Variants in KDM6A observed in about 807,000 individuals in gnomAD.
The protein encoded by KDM6A is lysine-specific demethylase 6A.
Under a neutral mutation model 117.6 loss-of-function variants are expected in KDM6A, and 11 were observed. That is an observed-to-expected ratio of 0.09 (90% CI 0.06 to 0.15). KDM6A has a LOEUF of 0.15. Ranked by LOEUF, KDM6A falls within the 10% of genes least tolerant of loss-of-function variation. The pLI, the probability that KDM6A is intolerant of heterozygous loss-of-function variation, is 1.00. For synonymous variants in KDM6A, 384 were observed against 396.1 expected (o/e 0.97, Z 0.36); for missense variants, 799 against 1,077.3 (o/e 0.74, Z 3.62).
chrX:45,005,970 C>G (rs2041434672), intron 4 of KDM6A, among the ~76,000 whole-genome samples: 1 of 53,795 alleles, frequency 1.9e-5, no homozygotes, highest in Non-Finnish European at 3.1e-5. Flanking sequence ...CACCCCCCCA[C>G]CCCCCCCACC....
chrX:44,886,198 C>T (rs1163867184), intron 2 of KDM6A, among the ~76,000 whole-genome samples: 1 of 108,419 alleles, frequency 9.2e-6, no homozygotes, highest in African/African-American at 3.4e-5. Context: ...GCTGAGATTA[C>T]AGGAATGCGC....
At chrX:44,896,786 C>T (rs1457637987) in intron 2 of KDM6A, among the ~76,000 whole-genome samples, 1 of 109,996 alleles carries the variant, frequency 9.1e-6, no homozygotes, top group African/African-American at 3.3e-5. Flanking sequence ...TCTTTAAGTA[C>T]TTGACAAGTG....
intron 3 of KDM6A, among the ~76,000 whole-genome samples, chrX:44,963,681 C>T (rs980803602): frequency 9.0e-5 from 10 of 110,560 alleles, no homozygotes; most frequent in African/African-American, 2.3e-4. Context: ...CCATCAAAGT[C>T]ATCTATGGGG....
At chrX:45,040,470 G>T (rs868106828) in intron 8 of KDM6A, among the ~76,000 whole-genome samples, 16 of 77,686 alleles carry the variant, frequency 2.1e-4, no homozygotes, top group African/African-American at 8.6e-4. Context: ...CCTCCCTCCC[G>T]GATGGGGCGG....
Position 45,069,986 on chromosome X carries a change from T to C in KDM6A, c.2487T>C (p.Asn829=). 1.7e-6 allele frequency: 2 copies of C among 1,211,657 alleles called. No homozygotes were observed. The highest frequency in any genetic ancestry group is 2.2e-6 in the Non-Finnish European group (2 of 895,467). ...CACCAGGTTTACTAAGTTCAGACAA[T>C]CCTCAGCTCTCTGCCTTGTTGATGG... ...SKSPGLLSSD[N]PQLSALLMGK... The change falls in exon 18 of 30, where the codon AAT becomes AAC. Residue 829 remains asparagine, a synonymous_variant. Transcript: ENST00000611820.
intron 2 of KDM6A, among the ~76,000 whole-genome samples, chrX:44,884,750 T>A (rs1247869946): frequency 8.9e-6 from 1 of 111,768 alleles, no homozygotes; most frequent in Non-Finnish European, 1.9e-5. Context: ...ACATCCTTGC[T>A]ACTTTGACTT....
At chrX:45,035,230 CAA>C (rs1380361106) in intron 7 of KDM6A, among the ~76,000 whole-genome samples, 3 of 111,749 alleles carry the variant, frequency 2.7e-5, no homozygotes, top group Non-Finnish European at 3.8e-5. Context: ...CACTAATAAA[CAA>C]GATTGATTTT....
In KDM6A at chrX:45,078,383, A is replaced by G. The variant is rs1200506512; in HGVS notation, c.2989-17A>G. 1.7e-6 allele frequency: 2 copies of G among 1,191,102 alleles called. No homozygotes were observed. The highest frequency in any genetic ancestry group is 2.2e-5 in the Admixed American group (1 of 45,897). On this transcript the variant is annotated splice_polypyrimidine_tract_variant and intron_variant, in intron 19 of 29. Transcript: ENST00000611820. Reference sequence around the variant, plus strand: ...CTCTGTTTTCCTGAGATCTAACCACATATTTTAATTTTACAGTTGGAAAAT... The same window carrying G: ...CTCTGTTTTCCTGAGATCTAACCACGTATTTTAATTTTACAGTTGGAAAAT...
At chrX:44,942,755 T>A (rs2037407102) in intron 2 of KDM6A, among the ~76,000 whole-genome samples, 1 of 110,142 alleles carries the variant, frequency 9.1e-6, no homozygotes, top group Admixed American at 9.8e-5. Flanking sequence ...TTTGCTAGAT[T>A]TATACCTAAG....
At chrX:44,974,012 CT>C (rs2039494317) in intron 3 of KDM6A, among the ~76,000 whole-genome samples, 1 of 110,810 alleles carries the variant, frequency 9.0e-6, no homozygotes, top group Non-Finnish European at 1.9e-5. Context: ...TTTAGGTTGT[CT>C]TTTTTTCTTT....
intron 6 of KDM6A, among the ~76,000 whole-genome samples, chrX:45,028,036 G>A (rs1218704404): frequency 9.1e-6 from 1 of 110,141 alleles, no homozygotes; most frequent in African/African-American, 3.3e-5. Flanking sequence ...TAGGCGATCC[G>A]CCTGCCTTGG....
intron 28 of KDM6A, among the ~76,000 whole-genome samples, chrX:45,109,586 T>C (rs932695114): frequency 9.0e-6 from 1 of 111,237 alleles, no homozygotes; most frequent in Non-Finnish European, 1.9e-5. Flanking sequence ...AAATGTCATA[T>C]GGCCTGACCA....
Position 44,884,041 on chromosome X carries a change from G to A in KDM6A, c.225+10054G>A, listed in dbSNP as rs188859677. On this transcript the variant is annotated intron_variant, in intron 2 of 29. Coordinates refer to ENST00000611820, the MANE Select transcript of KDM6A (RefSeq NM_001291415.2). ...AGCTTGAACCCGGGAGGTGGAGGTT[G>A]TGGTGAGCCGAGATTGCACCACTGC... Among the ~76,000 whole-genome samples, 890 of 101,169 alleles carry A rather than the reference G, an allele frequency of 8.8e-3. 5 individuals are homozygous for A. The highest frequency in any genetic ancestry group is 0.018 in the South Asian group (35 of 1,974). 87.9% of individuals were successfully genotyped at this position (101,169 alleles called of 115,157 possible).
In KDM6A at chrX:44,948,497, G is replaced by C. The variant is rs73488878; in HGVS notation, c.226-12787G>C. Among the ~76,000 whole-genome samples the C allele has an allele frequency of 6.0e-3, 673 of 111,907 alleles. 7 individuals carry two copies. Among genetic ancestry groups the C allele is most frequent in the African/African-American group, 0.021 (642 of 30,803 alleles). On this transcript the variant is annotated intron_variant, in intron 2 of 29. Coordinates refer to ENST00000611820, the MANE Select transcript of KDM6A (RefSeq NM_001291415.2). ...ACAGGGAAGAAAAATGCAATTAGGT[G>C]CTTGCTTTACAGTAGAAGAAAATAT...
chrX:44,926,039 T>C (rs1474683653), intron 2 of KDM6A, among the ~76,000 whole-genome samples: 3 of 110,546 alleles, frequency 2.7e-5, no homozygotes, highest in Non-Finnish European at 5.7e-5. Flanking sequence ...TAGGTTGTTA[T>C]TAAGTGTTTA....
At chrX:45,110,952 A>ATGGTCTTC (rs1410383735) in intron 29 of KDM6A, among the ~76,000 whole-genome samples, 2 of 112,230 alleles carry the variant, frequency 1.8e-5, no homozygotes, top group East Asian at 2.8e-4. Context: ...TTTCACTTGA[A>ATGGTCTTC]TGGTCTTCAA....
In KDM6A at chrX:44,873,936, G is replaced by A. The variant is rs1302244656; in HGVS notation, c.174G>A (p.Gly58=). 7.4e-6 allele frequency: 9 copies of A among 1,209,896 alleles called. No homozygotes were observed. Among genetic ancestry groups the A allele is most frequent in the Non-Finnish European group, 1.0e-5 (9 of 894,630 alleles). The change falls in exon 2 of 30, where the codon GGG becomes GGA. Residue 58 remains glycine, a synonymous_variant. Coordinates refer to ENST00000611820, the MANE Select transcript of KDM6A (RefSeq NM_001291415.2). ...ALGGLDSRLF[G]FVRFHEDGAR... ...TCTGTCTCCACAGCCGCCTCTTTGG[G>A]TTCGTGAGATTTCATGAAGATGGCG...
chrX:45,011,103 G>A, intron 5 of KDM6A, 84 bp downstream of exon 5: 2 of 699,193 alleles, frequency 2.9e-6, no homozygotes, highest in Non-Finnish European at 4.5e-6. Flanking sequence ...TTTTTTGTGT[G>A]TGTGTGTAAT....
intron 4 of KDM6A, among the ~76,000 whole-genome samples, chrX:44,991,302 C>A (rs1174315611): frequency 9.0e-6 from 1 of 111,096 alleles, no homozygotes; most frequent in African/African-American, 3.3e-5. Flanking sequence ...TGGACTTATT[C>A]TCTTTTTTTC....
Sources: allele counts gnomAD v4.1 joint callset (sites outside exome capture counted in the v4.1 genomes callset), GRCh38; gene constraint gnomAD v4.1.1; transcripts MANE v1.5; gene names NCBI Gene and HGNC (gene_info 2026-07-23, HGNC 2026-07-21).